Variants in STXBP5L observed in about 807,000 individuals in gnomAD.
STXBP5L encodes the protein syntaxin-binding protein 5-like.
In STXBP5L, 65 loss-of-function variants were observed where a neutral mutation model predicts 144.5. That is an observed-to-expected ratio of 0.45 (90% CI 0.37 to 0.55). STXBP5L has a LOEUF of 0.55. Among genes scored for constraint, STXBP5L ranks in the 20% least tolerant of loss-of-function variants. STXBP5L has a pLI of 0.00. For synonymous variants in STXBP5L, 505 were observed against 469.6 expected (o/e 1.08, Z -0.97); for missense variants, 1,298 against 1,405.5 (o/e 0.92, Z 1.22).
chr3:120,944,492 A>G (rs1262983104), intron 2 of STXBP5L, among the ~76,000 whole-genome samples: 1 of 151,706 alleles, frequency 6.6e-6, no homozygotes, highest in African/African-American at 2.4e-5. Flanking sequence ...TCTATTATAT[A>G]TATTTCCAAA....
chr3:121,080,767 A>G (rs778760633), intron 5 of STXBP5L, among the ~76,000 whole-genome samples: 2 of 152,158 alleles, frequency 1.3e-5, no homozygotes, highest in African/African-American at 2.4e-5. Flanking sequence ...ACAGCTCTTA[A>G]GATTCTTTTC....
chr3:121,259,939 C>G (rs2050332635), intron 18 of STXBP5L, among the ~76,000 whole-genome samples: 1 of 151,914 alleles, frequency 6.6e-6, no homozygotes, highest in Non-Finnish European at 1.5e-5. Flanking sequence ...CAACATAATT[C>G]AAGCAGACAT....
chr3:120,988,115 T>C lies in STXBP5L; in HGVS notation c.287+33078T>C, dbSNP rs145845859. Among the ~76,000 whole-genome samples, 692 of 150,542 alleles carry C rather than the reference T, an allele frequency of 4.6e-3. 4 individuals are homozygous for C. Among genetic ancestry groups the C allele is most frequent in the African/African-American group, 0.016 (659 of 41,124 alleles). On this transcript the variant is annotated intron_variant, in intron 3 of 26. Transcript: ENST00000471454. ...CCTGTTGCTGCAGTTGATTTTCTCTTTTTTTTTTCCTGTTATTATTTCTTC... is the reference window on the plus strand; with the variant it reads ...CCTGTTGCTGCAGTTGATTTTCTCTCTTTTTTTTCCTGTTATTATTTCTTC...
intron 20 of STXBP5L, among the ~76,000 whole-genome samples, chr3:121,371,027 C>A (rs1055288390): frequency 6.6e-6 from 1 of 152,168 alleles, no homozygotes; most frequent in Non-Finnish European, 1.5e-5. Flanking sequence ...CATCTCAGCC[C>A]AGTTAAGAAC....
chr3:121,161,384 AG>A (rs1441232780), intron 9 of STXBP5L, among the ~76,000 whole-genome samples: 1 of 151,950 alleles, frequency 6.6e-6, no homozygotes, highest in African/African-American at 2.4e-5. Flanking sequence ...TTTCTGAATG[AG>A]GAATCTGTAG....
intron 14 of STXBP5L, among the ~76,000 whole-genome samples, chr3:121,245,286 C>A (rs182425701): frequency 7.0e-6 from 1 of 143,726 alleles, no homozygotes; most frequent in Non-Finnish European, 1.5e-5. Flanking sequence ...ATGGTAAACA[C>A]GAAGAAAATG....
chr3:121,040,305 A>G (rs1258991419), intron 3 of STXBP5L, among the ~76,000 whole-genome samples: 1 of 152,116 alleles, frequency 6.6e-6, no homozygotes, highest in African/African-American at 2.4e-5. Context: ...ACTGCTAAGC[A>G]GAACCAGAGC....
intron 2 of STXBP5L, among the ~76,000 whole-genome samples, chr3:120,921,823 T>C (rs943889452): frequency 2.0e-5 from 3 of 152,090 alleles, no homozygotes; most frequent in African/African-American, 7.2e-5. Context: ...CATTGGTCTA[T>C]GTATCTTTGT....
chr3:121,332,509 G>A (rs1208196940), intron 20 of STXBP5L, among the ~76,000 whole-genome samples: 1 of 148,890 alleles, frequency 6.7e-6, no homozygotes, highest in Non-Finnish European at 1.5e-5. Flanking sequence ...CCAAGTAGAA[G>A]AAAGAATTTC....
Position 120,977,432 on chromosome 3 carries a change from A to G in STXBP5L, c.287+22395A>G, listed in dbSNP as rs577425180. 7.2e-5 allele frequency among the ~76,000 whole-genome samples: 11 copies of G among 152,088 alleles called. No homozygotes were observed. The South Asian group carries it at 1.0e-3, about 14-fold the overall frequency. On this transcript the variant is annotated intron_variant, in intron 3 of 26. Transcript: ENST00000471454. ...CTTCATCCCTTTATTTTGAGCCTAT[A>G]TCTGTCTCTGCACGTGAGATGGGTT...
intron 14 of STXBP5L, among the ~76,000 whole-genome samples, chr3:121,248,142 C>T (rs934593397): frequency 1.3e-5 from 2 of 152,136 alleles, no homozygotes; most frequent in Non-Finnish European, 2.9e-5. Flanking sequence ...CGGCTCACTA[C>T]AATCTCTGTC....
At chr3:121,178,447 A>T (rs2047018235) in intron 9 of STXBP5L, among the ~76,000 whole-genome samples, 1 of 152,230 alleles carries the variant, frequency 6.6e-6, no homozygotes, top group African/African-American at 2.4e-5. Flanking sequence ...TAACAAGGAA[A>T]ATCTTAATAA....
At chr3:121,300,809 T>G (rs954992269) in intron 19 of STXBP5L, among the ~76,000 whole-genome samples, 3 of 151,616 alleles carry the variant, frequency 2.0e-5, no homozygotes, top group African/African-American at 7.2e-5. Flanking sequence ...AAAGATTATA[T>G]TAAATAGAGT....
chr3:121,381,148 A>G, intron 21 of STXBP5L, 145 bp from the exon 22 acceptor site: 1 of 747,622 alleles, frequency 1.3e-6, no homozygotes, highest in South Asian at 2.1e-5. Flanking sequence ...TAAGCTGGTG[A>G]ACTGGATAAG....
intron 5 of STXBP5L, among the ~76,000 whole-genome samples, chr3:121,048,319 G>A (rs1424261228): frequency 6.6e-6 from 1 of 151,984 alleles, no homozygotes; most frequent in Admixed American, 6.6e-5. Context: ...CTAATTATGT[G>A]TCTTGGCCAT....
At chr3:121,304,839 A>C (rs1262290002) in intron 19 of STXBP5L, among the ~76,000 whole-genome samples, 2 of 152,078 alleles carry the variant, frequency 1.3e-5, no homozygotes, top group Non-Finnish European at 2.9e-5. Context: ...CCCAATGTAA[A>C]GGAAATAATA....
At chr3:121,014,970 C>A (rs1352597811) in intron 3 of STXBP5L, among the ~76,000 whole-genome samples, 1 of 151,872 alleles carries the variant, frequency 6.6e-6, no homozygotes, top group Non-Finnish European at 1.5e-5. Context: ...ATATTCAAGA[C>A]CTCTATACTG....
chr3:121,170,119 C>A (rs1224873676), intron 9 of STXBP5L, among the ~76,000 whole-genome samples: 1 of 152,132 alleles, frequency 6.6e-6, no homozygotes, highest in Non-Finnish European at 1.5e-5. Flanking sequence ...GAAATTAAGG[C>A]AGAAATAAAT....
chr3:121,062,516 T>C (rs1278877492), intron 5 of STXBP5L, among the ~76,000 whole-genome samples: 1 of 152,264 alleles, frequency 6.6e-6, no homozygotes, highest in Non-Finnish European at 1.5e-5. Context: ...TTTGTGGTAT[T>C]CTGTGTATTT....
Sources: gnomAD v4.1 joint callset for allele counts (sites outside exome capture counted in the v4.1 genomes callset) on GRCh38, gnomAD v4.1.1 for gene constraint, MANE v1.5 for transcripts, NCBI Gene and HGNC (gene_info 2026-07-23, HGNC 2026-07-21) for gene names.